The following AFF2 variants were observed in gnomAD, a reference collection of about 807,000 sequenced individuals.
The protein encoded by AFF2 is AF4/FMR2 family member 2.
In AFF2, 14 loss-of-function variants were observed where a neutral mutation model predicts 76.9. The observed-to-expected ratio is 0.18, with a 90% CI of 0.12 to 0.28. AFF2 has a LOEUF of 0.28. Among genes scored for constraint, AFF2 ranks in the 10% least tolerant of loss-of-function variants. The probability of loss-of-function intolerance (pLI) is 1.00; values close to 1 mark genes in which losing one functional copy is unlikely to be tolerated. For missense variants in AFF2, 868 were observed against 1,001.1 expected (o/e 0.87, Z 1.79); for synonymous variants, 398 against 366.7 (o/e 1.09, Z -0.98).
intron 4 of AFF2, among the ~76,000 whole-genome samples, chrX:148,813,288 T>G (rs1402713884): frequency 9.0e-6 from 1 of 111,636 alleles, no homozygotes; most frequent in African/African-American, 3.3e-5. Context: ...CTCTCACAAA[T>G]CTAGAGTGAG....
intron 7 of AFF2, among the ~76,000 whole-genome samples, chrX:148,885,501 C>T (rs1253204364): frequency 1.8e-5 from 2 of 111,080 alleles, no homozygotes; most frequent in African/African-American, 6.5e-5. Context: ...GGATGGTTAT[C>T]ATGCCCCTCT....
intron 3 of AFF2, among the ~76,000 whole-genome samples, chrX:148,684,739 A>G (rs1412817362): frequency 8.9e-6 from 1 of 112,569 alleles, no homozygotes; most frequent in Non-Finnish European, 1.9e-5. Context: ...GCACCCCAGT[A>G]GCTAAATTGA....
At chrX:148,673,958 A>G (rs1198441599) in intron 3 of AFF2, among the ~76,000 whole-genome samples, 1 of 112,820 alleles carries the variant, frequency 8.9e-6, no homozygotes, top group Non-Finnish European at 1.9e-5. Flanking sequence ...TAGATAAAAA[A>G]TAATTTATTA....
intron 3 of AFF2, among the ~76,000 whole-genome samples, chrX:148,775,496 A>C (rs888396076): frequency 8.9e-6 from 1 of 112,361 alleles, no homozygotes; most frequent in African/African-American, 3.2e-5. Context: ...TCTCTATGGC[A>C]AGTGTAACAA....
chrX:148,672,271 C>T (rs1359564716), intron 3 of AFF2, among the ~76,000 whole-genome samples: 3 of 112,057 alleles, frequency 2.7e-5, no homozygotes, highest in African/African-American at 9.7e-5. Flanking sequence ...AATACAGGTG[C>T]CAATAACATA....
chrX:148,935,795 A>T (rs1419362433), intron 9 of AFF2, among the ~76,000 whole-genome samples: 1 of 111,680 alleles, frequency 9.0e-6, no homozygotes, highest in Non-Finnish European at 1.9e-5. Context: ...CTTCTGGCTG[A>T]CAAAAGCAGA....
At chrX:148,783,532 G>A (rs2069772128) in intron 3 of AFF2, among the ~76,000 whole-genome samples, 1 of 111,445 alleles carries the variant, frequency 9.0e-6, no homozygotes, top group African/African-American at 3.3e-5. Flanking sequence ...GTCTTTCAGG[G>A]GATCTTTCCT....
chrX:148,965,597 C>T (rs1187802995), intron 13 of AFF2, among the ~76,000 whole-genome samples: 1 of 111,274 alleles, frequency 9.0e-6, no homozygotes, highest in African/African-American at 3.3e-5. Flanking sequence ...CAGGGAAGAC[C>T]ATCCTGCCAT....
chrX:148,977,366 C>T (rs1362229203), intron 16 of AFF2, among the ~76,000 whole-genome samples: 1 of 109,235 alleles, frequency 9.2e-6, no homozygotes, highest in Non-Finnish European at 1.9e-5. Context: ...GCTGTGAAAT[C>T]GACCTTCCTT....
chrX:148,956,006 C>T lies in AFF2; in HGVS notation c.1961C>T (p.Thr654Ile). ...CCCAAACCAAATATTACCAGCAGCA[C>T]TCCCAAAGAAAAAGAAAGTGTGGAG... ...TWPKPNITSS[T>I]PKEKESVELH... Residue 654 changes from threonine to isoleucine, a missense_variant, in exon 11 of 21, where the codon ACT becomes ATT. Physicochemically the swap from Thr to Ile is moderately conservative, Grantham distance 89. This residue lies in a region of AFF2 where 532 missense variants were observed against 564.2 expected (regional missense o/e 0.94). Coordinates refer to ENST00000370460, the MANE Select transcript of AFF2 (RefSeq NM_002025.4). 1 of 1,211,352 alleles carries T rather than the reference C, an allele frequency of 8.3e-7. No individual in the cohort carries two copies. Among genetic ancestry groups the T allele is most frequent in the Non-Finnish European group, 1.1e-6 (1 of 895,478 alleles).
chrX:148,735,405 G>A (rs1196223128), intron 3 of AFF2, among the ~76,000 whole-genome samples: 1 of 111,397 alleles, frequency 9.0e-6, no homozygotes, highest in African/African-American at 3.3e-5. Context: ...TGGAACACTT[G>A]GGCTAAAATG....
At chrX:148,980,837 A>G (rs782018854) in intron 19 of AFF2, 47 bp downstream of exon 19, 4 of 994,639 alleles carry the variant, frequency 4.0e-6, no homozygotes, top group Non-Finnish European at 4.2e-6. Flanking sequence ...GAGTGATTCA[A>G]TAGACCCCAG....
At chrX:148,782,860 C>G (rs1225522162) in intron 3 of AFF2, among the ~76,000 whole-genome samples, 5 of 111,405 alleles carry the variant, frequency 4.5e-5, no homozygotes, top group African/African-American at 1.6e-4. Flanking sequence ...CTGAAAAATG[C>G]AATGTTCCAA....
At chrX:148,708,731 A>G (rs1328598675) in intron 3 of AFF2, among the ~76,000 whole-genome samples, 1 of 112,500 alleles carries the variant, frequency 8.9e-6, no homozygotes, top group Non-Finnish European at 1.9e-5. Context: ...AAACAAAACA[A>G]AACAAAATTA....
rs1238608408 is a variant in AFF2, at chrX:148,597,012, T to C, written c.48-54987T>C. Among the ~76,000 whole-genome samples the C allele has an allele frequency of 5.4e-5, 6 of 111,892 alleles. No individual in the cohort carries two copies. The East Asian group carries it at 1.7e-3, about 32-fold the overall frequency. On this transcript the variant is annotated intron_variant, in intron 1 of 20. Transcript: ENST00000370460. ...ACCAGGGGTTACTATAGCTAGGCTC[T>C]CTACAGAAAGGGTTATGACATCTGC... is the stretch of plus-strand genomic sequence containing the variant.
chrX:148,970,659 T>G (rs1271390309), intron 15 of AFF2, among the ~76,000 whole-genome samples: 2 of 111,998 alleles, frequency 1.8e-5, no homozygotes, highest in Non-Finnish European at 3.8e-5. Context: ...GCAATAAAAT[T>G]TTACCAAACT....
chrX:148,967,288 A>G (rs1300088577), intron 14 of AFF2, among the ~76,000 whole-genome samples: 1 of 111,002 alleles, frequency 9.0e-6, no homozygotes, highest in African/African-American at 3.3e-5. Flanking sequence ...ATTAAGCAGC[A>G]TTGTTACTGT....
At chrX:148,891,831 G>A (rs1603335545) in intron 8 of AFF2, among the ~76,000 whole-genome samples, 2 of 111,633 alleles carry the variant, frequency 1.8e-5, no homozygotes, top group South Asian at 7.6e-4. Context: ...TAAAAGAGAT[G>A]GGTCTTGTTA....
chrX:148,510,511 G>T (rs1261389909), intron 1 of AFF2, among the ~76,000 whole-genome samples: 2 of 111,267 alleles, frequency 1.8e-5, no homozygotes, highest in Non-Finnish European at 3.8e-5. Flanking sequence ...CTTGTGCTTG[G>T]GCTCTATAGT....
Sources: allele counts gnomAD v4.1 joint callset (sites outside exome capture counted in the v4.1 genomes callset), GRCh38; gene constraint gnomAD v4.1.1; regional missense constraint gnomAD v4.1.1; transcripts MANE v1.5; gene names NCBI Gene and HGNC (gene_info 2026-07-23, HGNC 2026-07-21).